Variants in NNT observed in about 807,000 individuals in gnomAD.
NNT encodes NAD(P) transhydrogenase, mitochondrial.
NNT carries 50 observed loss-of-function variants against 104.8 expected under a neutral mutation model. The ratio of observed to expected loss-of-function variants is 0.48; its 90% CI spans 0.38 to 0.60. The LOEUF (loss-of-function observed/expected upper bound fraction) is 0.60. Ranked by LOEUF, NNT falls within the 20% of genes least tolerant of loss-of-function variation. The pLI, the probability that NNT is intolerant of heterozygous loss-of-function variation, is 0.00. For synonymous variants in NNT, 461 were observed against 490.4 expected (o/e 0.94, Z 0.79); for missense variants, 1,131 against 1,330.7 (o/e 0.85, Z 2.33).
At chr5:43,651,384 C>G (rs555494650) in intron 12 of NNT, among the ~76,000 whole-genome samples, 1 of 152,036 alleles carries the variant, frequency 6.6e-6, no homozygotes, top group East Asian at 1.9e-4. Flanking sequence ...CGAGACCAGC[C>G]TGGCCAACAC....
intron 7 of NNT, among the ~76,000 whole-genome samples, chr5:43,628,651 G>T (rs1750501274): frequency 6.6e-6 from 1 of 151,990 alleles, no homozygotes; most frequent in Non-Finnish European, 1.5e-5. Flanking sequence ...CGGTGGCATG[G>T]TCTCAGCTCA....
In NNT at chr5:43,705,241, T is replaced by G. The variant is rs1270251246; in HGVS notation, c.*837T>G. Reference sequence around the variant, plus strand: ...GAGTTCATCATGTTGGCAAGTGATGTGGCAATTATCTCTGGTGACAAAAGA... The same window carrying G: ...GAGTTCATCATGTTGGCAAGTGATGGGGCAATTATCTCTGGTGACAAAAGA... On this transcript the variant is annotated 3_prime_UTR_variant, in exon 22 of 22. Coordinates refer to ENST00000344920, the MANE Select transcript of NNT (RefSeq NM_182977.3). The G allele has an allele frequency of 6.6e-6, 1 of 152,208 alleles. No homozygotes were observed. The highest frequency in any genetic ancestry group is 2.4e-5 in the African/African-American group (1 of 41,466). 9.4% of individuals were successfully genotyped at this position (152,208 alleles called of 1,614,324 possible).
intron 18 of NNT, 135 bp downstream of exon 18, chr5:43,675,805 G>T: frequency 1.6e-6 from 1 of 642,790 alleles, no homozygotes; most frequent in Non-Finnish European, 2.4e-6. Flanking sequence ...GCAAATCTAT[G>T]ATTACTAAGT....
At position 43,609,123 on chromosome 5, in the gene NNT, C is replaced by A; in HGVS notation, c.-53-20C>A. 1 of 1,209,854 alleles carries A rather than the reference C, an allele frequency of 8.3e-7. No individual in the cohort carries two copies. Among genetic ancestry groups the A allele is most frequent in the Non-Finnish European group, 1.2e-6 (1 of 845,504 alleles). The allele number at this position is 1,209,854 out of a possible 1,614,324, so 74.9% of individuals were successfully genotyped here. A position where few individuals can be genotyped will look rare whatever the true frequency, so the allele number is the denominator to read the frequency against. ...AGTTTTTTTCTTGGCATATATACATCCTATTTTCTTTTTTCTTAGTGATTT... is the reference window on the plus strand; with the variant it reads ...AGTTTTTTTCTTGGCATATATACATACTATTTTCTTTTTTCTTAGTGATTT... On this transcript the variant is annotated intron_variant, in intron 1 of 21. Transcript: ENST00000344920.
intron 16 of NNT, among the ~76,000 whole-genome samples, chr5:43,658,962 T>G (rs368437071): frequency 1.3e-4 from 19 of 151,946 alleles, no homozygotes; most frequent in African/African-American, 4.6e-4. Context: ...ATGTAGGGAT[T>G]TTTTTTTAGG....
chr5:43,649,313 G>C lies in NNT; in HGVS notation c.1606+5G>C, dbSNP rs750076729. On this transcript the variant is annotated splice_donor_5th_base_variant and intron_variant, in intron 11 of 21. Coordinates refer to ENST00000344920, the MANE Select transcript of NNT (RefSeq NM_182977.3). ...CTGTGACAAATGCAATCTCAGGTTT[G>C]TTCCTCTCTTGTTTTTCCTCATCTC... 1.9e-6 allele frequency: 3 copies of C among 1,613,882 alleles called. No individual in the cohort carries two copies. The highest frequency in any genetic ancestry group is 1.7e-6 in the Non-Finnish European group (2 of 1,179,844).
At chr5:43,668,047 T>C (rs1317758300) in intron 17 of NNT, among the ~76,000 whole-genome samples, 3 of 152,244 alleles carry the variant, frequency 2.0e-5, no homozygotes, top group Non-Finnish European at 4.4e-5. Context: ...TCATGTGTCT[T>C]TTGGCTGCAT....
intron 17 of NNT, among the ~76,000 whole-genome samples, chr5:43,667,775 A>G (rs1561306063): frequency 2.0e-5 from 3 of 152,102 alleles, no homozygotes; most frequent in Non-Finnish European, 2.9e-5. Context: ...TCCCGTGGGT[A>G]TATACCCCAG....
chr5:43,653,063 G>A lies in NNT; in HGVS notation c.1909G>A (p.Gly637Ser). The change falls in exon 14 of 22, where the codon GGC becomes AGC. Residue 637 changes from glycine (G) to serine (S), a missense_variant. Physicochemically the swap from Gly to Ser is moderately conservative, Grantham distance 56 (BLOSUM62 0). Coordinates refer to ENST00000344920, the MANE Select transcript of NNT (RefSeq NM_182977.3). ...TTTGTGCTGTGTCGGTGCCTTGGCT[G>A]GCCTCTCCACCCAGGGAACAGCACG... is the stretch of plus-strand genomic sequence containing the variant. The part of the protein sequence containing the change: ...SGLCCVGALA[G>S]LSTQGTARLG... 6.2e-7 allele frequency: 1 copy of A among 1,614,022 alleles called. No individual in the cohort carries two copies. The highest frequency in any genetic ancestry group is 8.5e-7 in the Non-Finnish European group (1 of 1,179,954).
At chr5:43,703,421 T>C (rs1243548095) in intron 21 of NNT, among the ~76,000 whole-genome samples, 1 of 152,200 alleles carries the variant, frequency 6.6e-6, no homozygotes. Flanking sequence ...ACTTAATATT[T>C]GTGATGAATG....
intron 19 of NNT, among the ~76,000 whole-genome samples, chr5:43,680,663 C>G (rs1561318453): frequency 6.6e-6 from 1 of 152,120 alleles, no homozygotes; most frequent in Non-Finnish European, 1.5e-5. Context: ...CTTTACTTTG[C>G]CCATAGTCAT....
chr5:43,647,101 TG>T (rs532590600), intron 10 of NNT, among the ~76,000 whole-genome samples: 342 of 152,326 alleles, frequency 2.2e-3, no homozygotes, highest in African/African-American at 7.8e-3. Flanking sequence ...ATAGAATTCT[TG>T]TAGAGTCATC....
chr5:43,644,409 G>A lies in NNT; in HGVS notation c.1098+84G>A, dbSNP rs1043444838. 29 of 1,506,518 alleles carry A rather than the reference G, an allele frequency of 1.9e-5. No homozygotes were observed. In the East Asian group the frequency reaches 6.4e-4, roughly 33 times the overall value. The allele number at this position is 1,506,518 out of a possible 1,614,324, so 93.3% of individuals were successfully genotyped here. A position where few individuals can be genotyped will look rare whatever the true frequency, so the allele number is the denominator to read the frequency against. ...GTGTTTATTTCTTTAAATATTTAGAGACATTAAGGCTTGAAATTTTAAAAT... is the reference window on the plus strand; with the variant it reads ...GTGTTTATTTCTTTAAATATTTAGAAACATTAAGGCTTGAAATTTTAAAAT... On this transcript the variant is annotated intron_variant, in intron 8 of 21. Transcript: ENST00000344920.
chr5:43,647,903 T>A lies in NNT; in HGVS notation c.1445-1244T>A, dbSNP rs879561223. On this transcript the variant is annotated intron_variant, in intron 10 of 21. Coordinates refer to ENST00000344920, the MANE Select transcript of NNT (RefSeq NM_182977.3). ...TTTTACAAGAATTCAGCAGTGGGTA[T>A]ATTATTATTTTCTCTTCCAGATGAA... is the stretch of plus-strand genomic sequence containing the variant. The A allele has an allele frequency of 1.1e-5, 5 of 457,302 alleles. No homozygotes were observed. In the Middle Eastern group the frequency reaches 9.7e-4, roughly 88 times the overall value. 28.3% of individuals were successfully genotyped at this position (457,302 alleles called of 1,614,324 possible).
Position 43,656,008 on chromosome 5 carries a change from A to C in NNT, c.2228A>C (p.Tyr743Ser). The C allele has an allele frequency of 6.2e-7, 1 of 1,614,212 alleles. No homozygotes were observed. ...GCAAATCTCACCAAGATTGTGGCCT[A>C]CCTCGGCACTTACATTGGTGGCGTC... Reference protein sequence around the residue: ...AAANLTKIVAYLGTYIGGVTF... With the variant: ...AAANLTKIVASLGTYIGGVTF... Residue 743 changes from tyrosine to serine, a missense_variant, in exon 15 of 22, where the codon TAC (tyrosine) becomes TCC (serine). Coordinates refer to ENST00000344920, the MANE Select transcript of NNT (RefSeq NM_182977.3).
chr5:43,614,323 T>C (rs1579975409), intron 3 of NNT, among the ~76,000 whole-genome samples: 1 of 152,218 alleles, frequency 6.6e-6, no homozygotes, highest in African/African-American at 2.4e-5. Flanking sequence ...ACAAACTTCT[T>C]GATCTTGGGG....
intron 19 of NNT, among the ~76,000 whole-genome samples, chr5:43,682,810 T>C (rs1431299210): frequency 6.6e-6 from 1 of 152,228 alleles, no homozygotes; most frequent in Non-Finnish European, 1.5e-5. Flanking sequence ...TAATATATAC[T>C]ACTCTTTCCT....
chr5:43,651,970 G>T (rs3805723), intron 13 of NNT, 86 bp downstream of exon 13: 55,886 of 1,410,764 alleles, frequency 0.04, 1,482 homozygotes, highest in East Asian at 0.11. Context: ...CTAATTCAAA[G>T]TATCGAGCAA....
At chr5:43,660,015 T>C (rs1406252372) in intron 17 of NNT, among the ~76,000 whole-genome samples, 2 of 152,240 alleles carry the variant, frequency 1.3e-5, no homozygotes, top group Non-Finnish European at 1.5e-5. Context: ...GTTGACTTTT[T>C]GTCATTAAAA....
Sources: gnomAD v4.1 joint callset for allele counts (sites outside exome capture counted in the v4.1 genomes callset) on GRCh38, gnomAD v4.1.1 for gene constraint, MANE v1.5 for transcripts, NCBI Gene and HGNC (gene_info 2026-07-23, HGNC 2026-07-21) for gene names.